The following CDH4 variants were observed in gnomAD, a reference collection of about 807,000 sequenced individuals.
The protein encoded by CDH4 is cadherin 4, also known as cadherin-4.
CDH4 carries 33 observed loss-of-function variants against 86.0 expected under a neutral mutation model. The ratio of observed to expected loss-of-function variants is 0.38; its 90% CI spans 0.29 to 0.51. The LOEUF (loss-of-function observed/expected upper bound fraction) is 0.51, where lower values mean the gene tolerates loss of function less well. Among genes scored for constraint, CDH4 ranks in the 20% least tolerant of loss-of-function variants. The pLI is 0.86. For synonymous variants in CDH4, 555 were observed against 549.4 expected (o/e 1.01, Z -0.14); for missense variants, 1,114 against 1,307.4 (o/e 0.85, Z 2.28).
intron 2 of CDH4, among the ~76,000 whole-genome samples, chr20:61,588,661 T>A (rs2086496092): frequency 6.6e-6 from 1 of 152,076 alleles, no homozygotes; most frequent in Non-Finnish European, 1.5e-5. Flanking sequence ...CTGCTCACCA[T>A]CCCCCTTTCT....
chr20:61,386,718 G>C (rs549451035), intron 2 of CDH4, among the ~76,000 whole-genome samples: 4 of 152,366 alleles, frequency 2.6e-5, no homozygotes, highest in African/African-American at 9.6e-5. Flanking sequence ...AAGCAGGAGA[G>C]TATTGCCAAG....
chr20:61,692,523 C>A (rs982439035), intron 2 of CDH4, among the ~76,000 whole-genome samples: 2 of 152,200 alleles, frequency 1.3e-5, no homozygotes, highest in African/African-American at 4.8e-5. Context: ...AAGTCCTGGC[C>A]TCTTAAATCA....
intron 2 of CDH4, among the ~76,000 whole-genome samples, chr20:61,364,007 G>A (rs1410680521): frequency 6.6e-6 from 1 of 152,190 alleles, no homozygotes; most frequent in Non-Finnish European, 1.5e-5. Context: ...AAGTTGAGGA[G>A]CATCTGAACT....
At chr20:61,422,130 A>G (rs537222722) in intron 2 of CDH4, among the ~76,000 whole-genome samples, 92 of 152,302 alleles carry the variant, frequency 6.0e-4, no homozygotes, top group African/African-American at 2.1e-3. Flanking sequence ...CTGCATTGTC[A>G]TTAAAGACAA....
intron 2 of CDH4, among the ~76,000 whole-genome samples, chr20:61,632,235 G>C (rs957069938): frequency 1.3e-5 from 2 of 152,200 alleles, no homozygotes; most frequent in African/African-American, 4.8e-5. Context: ...GGCTGTGAAG[G>C]AGCATGTTGG....
At chr20:61,645,478 A>G (rs575343154) in intron 2 of CDH4, among the ~76,000 whole-genome samples, 1 of 142,454 alleles carries the variant, frequency 7.0e-6, no homozygotes, top group Admixed American at 6.9e-5. Flanking sequence ...ATTTTTTTTA[A>G]AAGTTAACCA....
At chr20:61,896,023 G>T (rs1386806846) in intron 8 of CDH4, among the ~76,000 whole-genome samples, 1 of 152,210 alleles carries the variant, frequency 6.6e-6, no homozygotes, top group Non-Finnish European at 1.5e-5. Flanking sequence ...GGTCTTCTCT[G>T]CTCCTACCAC....
chr20:61,469,613 G>A (rs1383246786), intron 2 of CDH4, among the ~76,000 whole-genome samples: 1 of 152,054 alleles, frequency 6.6e-6, no homozygotes, highest in Non-Finnish European at 1.5e-5. Context: ...GCTTGTGGGT[G>A]TTATTCAAGA....
chr20:61,392,076 C>A lies in CDH4; in HGVS notation c.169+137139C>A, dbSNP rs374530797. Among the ~76,000 whole-genome samples the A allele has an allele frequency of 6.6e-6, 1 of 151,932 alleles. No homozygotes were observed. The highest frequency in any genetic ancestry group is 1.5e-5 in the Non-Finnish European group (1 of 68,030). Reference sequence around the variant, plus strand: ...TCGCTTGCCGTGGGTTTCAGCATCGCGGGGGCTGTGGAGAAAGGCCTAGAG... The same window carrying A: ...TCGCTTGCCGTGGGTTTCAGCATCGAGGGGGCTGTGGAGAAAGGCCTAGAG... On this transcript the variant is annotated intron_variant, in intron 2 of 15. Transcript: ENST00000614565. This position sits in a 1 kb window ranked among gnomAD's most constrained non-coding sequence, Gnocchi z 5.7.
chr20:61,571,017 G>A (rs1205624615), intron 2 of CDH4, among the ~76,000 whole-genome samples: 1 of 152,178 alleles, frequency 6.6e-6, no homozygotes, highest in Admixed American at 6.5e-5. Context: ...AGAGAGTGTG[G>A]TGGATACCTA....
intron 2 of CDH4, among the ~76,000 whole-genome samples, chr20:61,313,791 C>T (rs953665660): frequency 6.6e-6 from 1 of 152,232 alleles, no homozygotes; most frequent in Non-Finnish European, 1.5e-5. Flanking sequence ...GGCTGGAGTG[C>T]AGTGGTGCAA....
rs536196956 is a variant in CDH4 at position 61,504,058 on chromosome 20, G to C, written c.170-239505G>C. Reference sequence around the variant, plus strand: ...ACCACAGCAGCCTTCCCCATGTCCTGTTGTTGGACCGAGGCACGCCTGTCT... The same window carrying C: ...ACCACAGCAGCCTTCCCCATGTCCTCTTGTTGGACCGAGGCACGCCTGTCT... On this transcript the variant is annotated intron_variant, in intron 2 of 15. Transcript: ENST00000614565. Among the ~76,000 whole-genome samples the C allele has an allele frequency of 2.6e-5, 4 of 152,306 alleles. No individual in the cohort carries two copies. The South Asian group carries it at 8.3e-4, about 32-fold the overall frequency.
chr20:61,413,474 C>A (rs1007559602), intron 2 of CDH4, among the ~76,000 whole-genome samples: 6 of 152,118 alleles, frequency 3.9e-5, no homozygotes, highest in African/African-American at 9.7e-5. Flanking sequence ...CTGTAACAAG[C>A]CCCCCTGAGC....
intron 2 of CDH4, among the ~76,000 whole-genome samples, chr20:61,479,848 G>A (rs907517007): frequency 2.6e-5 from 4 of 152,216 alleles, no homozygotes; most frequent in South Asian, 2.1e-4. Context: ...ACTCAGGGTC[G>A]CCCCATAGCT....
Position 61,681,316 on chromosome 20 carries a change from C to T in CDH4, c.170-62247C>T, listed in dbSNP as rs147747276. 1.3e-5 allele frequency among the ~76,000 whole-genome samples: 2 copies of T among 152,232 alleles called. No homozygotes were observed. Among genetic ancestry groups the T allele is most frequent in the East Asian group, 3.9e-4 (2 of 5,186 alleles). ...CTTGGTATGAATTTTCTCTTTTGTC[C>T]AAATCATACAAAATACTCTTTCTAA... is the stretch of plus-strand genomic sequence containing the variant. On this transcript the variant is annotated intron_variant, in intron 2 of 15. Coordinates refer to ENST00000614565, the MANE Select transcript of CDH4 (RefSeq NM_001794.5). This position sits in a 1 kb window ranked among gnomAD's most constrained non-coding sequence, Gnocchi z 4.5.
Position 61,804,578 on chromosome 20 carries a change from G to T in CDH4, c.576+31396G>T, listed in dbSNP as rs541279229. 2.0e-5 allele frequency among the ~76,000 whole-genome samples: 3 copies of T among 152,190 alleles called. No individual in the cohort carries two copies. In the South Asian group the frequency reaches 6.2e-4, roughly 31 times the overall value. On this transcript the variant is annotated intron_variant, in intron 4 of 15. Transcript: ENST00000614565. ...GTCCTGCCCTCTCCTTACCATATGG[G>T]TTCCCCTCTGAGCATCCCTCCTGTC...
rs1455750901 is a variant in CDH4, at chr20:61,517,982, G to A, written c.170-225581G>A. The stretch of plus-strand genomic sequence containing the variant: ...CTGGATGGGCCTCTCGTGTGGGGCT[G>A]GGGCAGGAGCTGCCTGCCTCCCCGT... On this transcript the variant is annotated intron_variant, in intron 2 of 15. Coordinates refer to ENST00000614565, the MANE Select transcript of CDH4 (RefSeq NM_001794.5). The surrounding 1 kb of genome is among the most constrained non-coding windows in gnomAD (Gnocchi z 6.6). Among the ~76,000 whole-genome samples the A allele has an allele frequency of 6.6e-6, 1 of 150,694 alleles. No homozygotes were observed. The highest frequency in any genetic ancestry group is 1.5e-5 in the Non-Finnish European group (1 of 67,910).
At chr20:61,880,675 G>A (rs1305008420) in intron 7 of CDH4, among the ~76,000 whole-genome samples, 1 of 152,160 alleles carries the variant, frequency 6.6e-6, no homozygotes, top group African/African-American at 2.4e-5. Context: ...CGCAGAGGCC[G>A]CCACCCCTGG....
In CDH4 at chr20:61,939,942, G is replaced by A. The variant is rs908993270; in HGVS notation, c.*2999G>A. ...CCTGCCACCAACGTGTCAGAGCAAT[G>A]TCCAACTGTCAGGCTCTCAGAGATG... On this transcript the variant is annotated 3_prime_UTR_variant, in exon 16 of 16. Transcript: ENST00000614565. 6.6e-6 allele frequency: 1 copy of A among 152,258 alleles called. No individual in the cohort carries two copies. 9.4% of individuals were successfully genotyped at this position (152,258 alleles called of 1,614,324 possible). A position where few individuals can be genotyped will look rare whatever the true frequency, so the allele number is the denominator to read the frequency against.
Sources: allele counts gnomAD v4.1 joint callset (sites outside exome capture counted in the v4.1 genomes callset), GRCh38; gene constraint gnomAD v4.1.1; non-coding constraint Gnocchi (gnomAD v3.1); transcripts MANE v1.5; gene names NCBI Gene and HGNC (gene_info 2026-07-23, HGNC 2026-07-21).